The following TAMM41 variants were observed in gnomAD, a reference collection of about 807,000 sequenced individuals.
TAMM41 encodes TAM41 mitochondrial translocator assembly and maintenance homolog, also known as phosphatidate cytidylyltransferase, mitochondrial.
A neutral mutation model predicts 44.1 loss-of-function variants in TAMM41; 36 were observed. The observed-to-expected ratio is 0.82, with a 90% CI of 0.63 to 1.08. The LOEUF (loss-of-function observed/expected upper bound fraction) is 1.08, where lower values mean the gene tolerates loss of function less well. Ranked by LOEUF, TAMM41 falls within the 50% of genes least tolerant of loss-of-function variation. TAMM41 has a pLI of 0.00. For missense variants in TAMM41, 417 were observed against 404.3 expected (o/e 1.03, Z -0.27); for synonymous variants, 164 against 153.1 (o/e 1.07, Z -0.53).
intron 1 of TAMM41, chr3:11,845,159 T>C (rs952195240): frequency 1.7e-5 from 6 of 352,984 alleles, no homozygotes; most frequent in African/African-American, 1.1e-4. Flanking sequence ...TTTGCCATGC[T>C]AGAAAATTTT....
At chr3:11,769,355 ATTT>A in the TAMM41 span, among the ~76,000 whole-genome samples, 40,731 of 132,378 alleles carry the variant, frequency 0.31, 4,706 homozygotes, top group Non-Finnish European at 0.36. Context: ...CTCCCAAGAG[ATTT>A]TTTTTTTTTT....
chr3:11,788,061 C>T (rs1479916286), downstream of TAMM41, among the ~76,000 whole-genome samples: 1 of 152,176 alleles, frequency 6.6e-6, no homozygotes, highest in African/African-American at 2.4e-5. Flanking sequence ...AGTCTGGAAG[C>T]CAGGGTTCAA....
the TAMM41 span, among the ~76,000 whole-genome samples, chr3:11,754,379 C>A: frequency 1.9e-4 from 29 of 152,112 alleles, no homozygotes; most frequent in African/African-American, 3.4e-4. Flanking sequence ...ATTTTTTCTT[C>A]TTATTATTTT....
chr3:11,844,070 C>G lies in TAMM41; in HGVS notation c.277G>C (p.Ala93Pro). The G allele has an allele frequency of 6.2e-7, 1 of 1,614,144 alleles. No homozygotes were observed. The highest frequency in any genetic ancestry group is 1.7e-5 in the Admixed American group (1 of 60,028). The part of the protein sequence containing the change: ...IITSIQNNYG[A>P]GVYYNSLIMC... Reference sequence around the variant, plus strand: ...ATCAATGAATTGTAGTAAACTCCAGCGCCATAGTTATTCTGGATGGACGTG... The same window carrying G: ...ATCAATGAATTGTAGTAAACTCCAGGGCCATAGTTATTCTGGATGGACGTG... Residue 93 changes from alanine to proline, a missense_variant, in exon 2 of 8, where the codon GCT becomes CCT. Ala to Pro is a conservative substitution (Grantham distance 27, BLOSUM62 -1). Coordinates refer to ENST00000455809, the MANE Select transcript of TAMM41 (RefSeq NM_001284401.2).
the TAMM41 span, among the ~76,000 whole-genome samples, chr3:11,760,642 C>T: frequency 4.6e-5 from 7 of 152,040 alleles, no homozygotes; most frequent in African/African-American, 1.7e-4. Context: ...CTCACTGCAA[C>T]CTCCACCTCC....
At chr3:11,789,579 G>T (rs79072360), downstream of TAMM41, among the ~76,000 whole-genome samples, 924 of 152,284 alleles carry the variant, frequency 6.1e-3, 7 homozygotes, top group African/African-American at 0.021. Flanking sequence ...TCTTGGGCTG[G>T]GGCTGGTGGC....
At chr3:11,752,296 A>G in the TAMM41 span, among the ~76,000 whole-genome samples, 1 of 152,060 alleles carries the variant, frequency 6.6e-6, no homozygotes, top group Non-Finnish European at 1.5e-5. Context: ...CAGCAGCAAG[A>G]TTTATTGTGA....
At chr3:11,754,373 TTTC>T in the TAMM41 span, among the ~76,000 whole-genome samples, 3 of 152,076 alleles carry the variant, frequency 2.0e-5, no homozygotes, top group African/African-American at 7.2e-5. Context: ...TTAAAAATTT[TTTC>T]TTCTTATTAT....
At chr3:11,839,136 C>T (rs1221910765) in intron 3 of TAMM41, 86 bp downstream of exon 3, 4 of 774,164 alleles carry the variant, frequency 5.2e-6, no homozygotes, top group Admixed American at 2.3e-5. Context: ...TCCAGAGTTC[C>T]ATCTCATTGC....
intron 5 of TAMM41, among the ~76,000 whole-genome samples, chr3:11,813,724 G>A (rs1225930267): frequency 6.6e-6 from 1 of 151,884 alleles, no homozygotes; most frequent in Non-Finnish European, 1.5e-5. Context: ...CAAGGCAGGA[G>A]GATCGCTTGA....
the TAMM41 span, among the ~76,000 whole-genome samples, chr3:11,783,362 G>C: frequency 6.6e-6 from 1 of 150,932 alleles, no homozygotes; most frequent in Non-Finnish European, 1.5e-5. Flanking sequence ...TGGCTAATCT[G>C]TGACAGAGCT....
Position 11,807,902 on chromosome 3 carries a change from G to A in TAMM41, c.875-7C>T, listed in dbSNP as rs1559279399. On this transcript the variant is annotated splice_polypyrimidine_tract_variant and splice_region_variant and intron_variant, in intron 6 of 7. Coordinates refer to ENST00000455809, the MANE Select transcript of TAMM41 (RefSeq NM_001284401.2). Reference sequence around the variant, plus strand: ...CTCACGATTGCTGAAAGCCCTGCGAGAAAAAAACCAAAAAGGAGACCAAAA... The same window carrying A: ...CTCACGATTGCTGAAAGCCCTGCGAAAAAAAAACCAAAAAGGAGACCAAAA... 3 of 1,500,798 alleles carry A rather than the reference G, an allele frequency of 2.0e-6. No individual in the cohort carries two copies. Among genetic ancestry groups the A allele is most frequent in the Admixed American group, 2.3e-5 (1 of 43,254 alleles). 93.0% of individuals were successfully genotyped at this position (1,500,798 alleles called of 1,614,324 possible). A position where few individuals can be genotyped will look rare whatever the true frequency, so the allele number is the denominator to read the frequency against.
chr3:11,790,190 C>A (rs553394514), downstream of TAMM41, among the ~76,000 whole-genome samples: 1 of 152,168 alleles, frequency 6.6e-6, no homozygotes, highest in Non-Finnish European at 1.5e-5. Flanking sequence ...TCCTGGGCTA[C>A]GTGTTGACAG....
chr3:11,804,143 C>T (rs2077833720), intron 7 of TAMM41, among the ~76,000 whole-genome samples: 1 of 152,134 alleles, frequency 6.6e-6, no homozygotes, highest in African/African-American at 2.4e-5. Flanking sequence ...CACTCCAGGG[C>T]CACAAGGACA....
At chr3:11,784,485 ACT>A in the TAMM41 span, among the ~76,000 whole-genome samples, 1 of 152,158 alleles carries the variant, frequency 6.6e-6, no homozygotes, top group Admixed American at 6.5e-5. Flanking sequence ...ACAGAGCAAG[ACT>A]CTGTCTCAAA....
At chr3:11,808,408 C>T (rs561655648) in intron 6 of TAMM41, 1 of 989,628 alleles carries the variant, frequency 1.0e-6, no homozygotes, top group Admixed American at 6.0e-5. Flanking sequence ...TCGTACAGAG[C>T]TATCTTCAGG....
At chr3:11,812,509 G>A (rs999602860) in intron 5 of TAMM41, among the ~76,000 whole-genome samples, 2 of 152,170 alleles carry the variant, frequency 1.3e-5, no homozygotes, top group African/African-American at 4.8e-5. Flanking sequence ...GTCATTCCCA[G>A]GGACCCACTT....
At chr3:11,808,536 A>G in intron 6 of TAMM41, 1 of 985,540 alleles carries the variant, frequency 1.0e-6, no homozygotes, top group Non-Finnish European at 1.2e-6. Flanking sequence ...TTTGCAAAGC[A>G]TTACTGGAAA....
chr3:11,817,250 C>T lies in TAMM41; in HGVS notation c.650G>A (p.Gly217Asp), dbSNP rs1416401860. Residue 217 changes from glycine (G) to aspartate (D), a missense_variant, in exon 5 of 8, where the codon GGC (glycine) becomes GAC (aspartate). Transcript: ENST00000455809. Reference protein sequence around the residue: ...PNIAHFRELYGSILQENPQVV... With the variant: ...PNIAHFRELYDSILQENPQVV... ...TTGAGGATTTTCCTGTAGTATGCTG[C>T]CATAGAGCTCTCGAAAGTGGGCTAT... 6.2e-7 allele frequency: 1 copy of T among 1,613,584 alleles called. No individual in the cohort carries two copies. Among genetic ancestry groups the T allele is most frequent in the Non-Finnish European group, 8.5e-7 (1 of 1,179,570 alleles).
Sources: gnomAD v4.1 joint callset for allele counts (sites outside exome capture counted in the v4.1 genomes callset) on GRCh38, gnomAD v4.1.1 for gene constraint, MANE v1.5 for transcripts, NCBI Gene and HGNC (gene_info 2026-07-23, HGNC 2026-07-21) for gene names.